The following RERE variants were observed in gnomAD, a reference collection of about 807,000 sequenced individuals.
RERE encodes the protein arginine-glutamic acid dipeptide repeats protein.
RERE carries 40 observed loss-of-function variants against 146.1 expected under a neutral mutation model. That is an observed-to-expected ratio of 0.27 (90% CI 0.21 to 0.36). The LOEUF is 0.36. Ranked by LOEUF, RERE falls within the 10% of genes least tolerant of loss-of-function variation. The pLI is 1.00. For synonymous variants in RERE, 1,003 were observed against 866.0 expected (o/e 1.16, Z -2.78); for missense variants, 1,933 against 2,138.7 (o/e 0.90, Z 1.90).
chr1:8,747,323 CCTTAGGCTTG>C (rs1201600103), intron 1 of RERE, among the ~76,000 whole-genome samples: 1 of 152,054 alleles, frequency 6.6e-6, no homozygotes, highest in Non-Finnish European at 1.5e-5. Context: ...TTAAAAGGAT[CCTTAGGCTTG>C]CTGTGTTGTG....
At chr1:8,538,887 C>A (rs1046158606) in intron 7 of RERE, among the ~76,000 whole-genome samples, 5 of 152,150 alleles carry the variant, frequency 3.3e-5, no homozygotes, top group Admixed American at 3.3e-4. Context: ...TTAAAACAAA[C>A]CCGATGGGAT....
intron 1 of RERE, among the ~76,000 whole-genome samples, chr1:8,809,575 T>G (rs1641754763): frequency 6.6e-6 from 1 of 152,234 alleles, no homozygotes; most frequent in Non-Finnish European, 1.5e-5. Context: ...CTCATAATGT[T>G]TGTTTTACAT....
rs1438361477 is a variant in RERE at position 8,501,794 on chromosome 1, G to GAA, written c.880-4266_880-4265insTT. Among the ~76,000 whole-genome samples the GAA allele has an allele frequency of 2.4e-5, 3 of 126,316 alleles. No homozygotes were observed. In the South Asian group the frequency reaches 7.8e-4, roughly 33 times the overall value. The allele number at this position is 126,316 out of a possible 152,430, so 82.9% of individuals were successfully genotyped here. On this transcript the variant is annotated intron_variant, in intron 8 of 22. Transcript: ENST00000400908. ...AGCCCCCCGCCTGGCCAGCCGCCCC[G>GAA]ACCGGGAGGTGAGGGGCGCCTCTGC...
intron 1 of RERE, among the ~76,000 whole-genome samples, chr1:8,662,701 A>T (rs919321120): frequency 6.6e-6 from 1 of 152,038 alleles, no homozygotes; most frequent in Non-Finnish European, 1.5e-5. Flanking sequence ...CTGTCTCTTA[A>T]AAAACAAAAA....
At chr1:8,734,838 TTC>T (rs555185101) in intron 1 of RERE, among the ~76,000 whole-genome samples, 3 of 152,156 alleles carry the variant, frequency 2.0e-5, no homozygotes, top group African/African-American at 7.2e-5. Context: ...AAAAGGGACT[TTC>T]TCTGTCTGGA....
At position 8,501,918 on chromosome 1, in the gene RERE, CCCG is replaced by C. The variant is rs1434116902; in HGVS notation, c.880-4392_880-4390del. Among the ~76,000 whole-genome samples, 3 of 98,302 alleles carry C rather than the reference CCCG, an allele frequency of 3.1e-5. No individual in the cohort carries two copies. The East Asian group carries it at 9.7e-4, about 32-fold the overall frequency. The allele number at this position is 98,302 out of a possible 152,430, so 64.5% of individuals were successfully genotyped here. The stretch of plus-strand genomic sequence containing the variant: ...GTCAGCCCCCCGCCCGGCCAGCCGC[CCCG>C]TCCGGGAGGGAGGTGGGGGGGATCA... On this transcript the variant is annotated intron_variant, in intron 8 of 22. Transcript: ENST00000400908.
rs1433354210 is a variant in RERE, at chr1:8,699,715, TAA to T, written c.-144-43276_-144-43275del. ...TTAATTAGAGAAAACATTTTCTATATAAGTTACAATGAAATTATCACGTTTTC... is the reference window on the plus strand; with the variant it reads ...TTAATTAGAGAAAACATTTTCTATATGTTACAATGAAATTATCACGTTTTC... On this transcript the variant is annotated intron_variant, in intron 1 of 22. Transcript: ENST00000400908. 5.9e-5 allele frequency among the ~76,000 whole-genome samples: 9 copies of T among 152,344 alleles called. No individual in the cohort carries two copies. The South Asian group carries it at 1.4e-3, about 25-fold the overall frequency.
intron 8 of RERE, among the ~76,000 whole-genome samples, chr1:8,498,989 G>A (rs1645091730): frequency 2.0e-5 from 3 of 151,590 alleles, no homozygotes; most frequent in Non-Finnish European, 2.9e-5. Context: ...AAAAATATTC[G>A]AGCAACAGTG....
chr1:8,535,077 T>G (rs1459709801), intron 7 of RERE, among the ~76,000 whole-genome samples: 1 of 151,986 alleles, frequency 6.6e-6, no homozygotes, highest in East Asian at 1.9e-4. Context: ...TAGGCTGCAG[T>G]GCACTTAAAC....
chr1:8,428,910 C>T (rs1390246791), intron 11 of RERE, among the ~76,000 whole-genome samples: 2 of 152,156 alleles, frequency 1.3e-5, no homozygotes, highest in African/African-American at 4.8e-5. Flanking sequence ...AAGCCTTGTG[C>T]CTCAGCCTCA....
chr1:8,718,688 AT>A (rs912254525), intron 1 of RERE, among the ~76,000 whole-genome samples: 6 of 152,174 alleles, frequency 3.9e-5, no homozygotes, highest in Non-Finnish European at 8.8e-5. Context: ...TCTTCAGCAA[AT>A]TTAGCCTAGT....
intron 7 of RERE, among the ~76,000 whole-genome samples, chr1:8,539,972 T>C (rs1219526523): frequency 6.6e-6 from 1 of 152,210 alleles, no homozygotes; most frequent in Non-Finnish European, 1.5e-5. Context: ...TTACATACGG[T>C]TTCTGAAAGT....
rs1375721293 is a variant in RERE, at chr1:8,520,753, TTAAAAAAA to T, written c.831-12086_831-12079del. Among the ~76,000 whole-genome samples, 229 of 78,178 alleles carry T rather than the reference TTAAAAAAA, an allele frequency of 2.9e-3. 1 individual carries two copies. The highest frequency in any genetic ancestry group is 9.1e-3 in the African/African-American group (213 of 23,490). The allele number at this position is 78,178 out of a possible 152,430, so 51.3% of individuals were successfully genotyped here. Reference sequence around the variant, plus strand: ...CATGGAGATTCAGCCAAAAAACTTTTTAAAAAAAAAAAAAAAAAAAAAACCACTATGAC... The same window carrying T: ...CATGGAGATTCAGCCAAAAAACTTTTAAAAAAAAAAAAAAACCACTATGAC... On this transcript the variant is annotated intron_variant, in intron 7 of 22. Transcript: ENST00000400908.
chr1:8,802,229 T>C (rs1239559198), intron 1 of RERE, among the ~76,000 whole-genome samples: 1 of 152,216 alleles, frequency 6.6e-6, no homozygotes, highest in East Asian at 1.9e-4. Context: ...GTCTGTTCCT[T>C]CTTTGAGAAA....
rs923651520 is a variant in RERE at position 8,633,439 on chromosome 1, G to A, written c.326-9059C>T. Among the ~76,000 whole-genome samples the A allele has an allele frequency of 4.6e-5, 7 of 151,392 alleles. No individual in the cohort carries two copies. The East Asian group carries it at 5.9e-4, about 13-fold the overall frequency. On this transcript the variant is annotated intron_variant, in intron 2 of 22. Coordinates refer to ENST00000400908, the MANE Select transcript of RERE (RefSeq NM_001042681.2). Reference sequence around the variant, plus strand: ...TCCTGTCTCTTAAACACGCACGTGCGCACGCACACACACAGACACACACAC... The same window carrying A: ...TCCTGTCTCTTAAACACGCACGTGCACACGCACACACACAGACACACACAC...
chr1:8,369,858 C>T (rs1240925782), intron 12 of RERE, among the ~76,000 whole-genome samples: 1 of 152,038 alleles, frequency 6.6e-6, no homozygotes, highest in African/African-American at 2.4e-5. Flanking sequence ...GGCACGATCT[C>T]GGCTCACTGC....
chr1:8,447,780 C>T (rs185906320), intron 11 of RERE, among the ~76,000 whole-genome samples: 17 of 152,308 alleles, frequency 1.1e-4, no homozygotes, highest in African/African-American at 2.9e-4. Context: ...AATGAGTGTG[C>T]GGCACTTGCC....
At chr1:8,786,186 TG>T in intron 1 of RERE, 1 of 675,670 alleles carries the variant, frequency 1.5e-6, no homozygotes, top group South Asian at 1.5e-5. Context: ...AAAATAATTG[TG>T]GTAAACACCT....
At chr1:8,814,740 T>C (rs988595601) in intron 1 of RERE, among the ~76,000 whole-genome samples, 6 of 152,238 alleles carry the variant, frequency 3.9e-5, no homozygotes, top group Admixed American at 6.5e-5. Flanking sequence ...CTGGTGTATA[T>C]AGTTTCCAAT....
Sources: allele counts gnomAD v4.1 joint callset (sites outside exome capture counted in the v4.1 genomes callset), GRCh38; gene constraint gnomAD v4.1.1; transcripts MANE v1.5; gene names NCBI Gene and HGNC (gene_info 2026-07-23, HGNC 2026-07-21).